FLNB: variants seen among roughly 807,000 people sequenced by gnomAD.
The protein encoded by FLNB is filamin-B.
Under a neutral mutation model 250.6 loss-of-function variants are expected in FLNB, and 111 were observed. The observed-to-expected ratio is 0.44, with a 90% CI of 0.38 to 0.52. The LOEUF (loss-of-function observed/expected upper bound fraction) is 0.52, where lower values mean the gene tolerates loss of function less well. FLNB is among the 20% of genes least tolerant of loss of function. The probability of loss-of-function intolerance (pLI) is 0.00; values close to 1 mark genes in which losing one functional copy is unlikely to be tolerated. For missense variants in FLNB, 2,869 were observed against 3,447.8 expected, an observed-to-expected ratio of 0.83 and a Z score of 4.20; for synonymous variants, 1,302 against 1,372.1, an observed-to-expected ratio of 0.95 and a Z score of 1.13.
At position 58,008,753 on chromosome 3, in the gene FLNB, C is replaced by T; in HGVS notation, c.189C>T (p.Tyr63=). ...AGGTGCTCAGCCAGAAGCGCATGTACCGCAAGTACCATCAGCGGCCCACCT... is the reference window on the plus strand; with the variant it reads ...AGGTGCTCAGCCAGAAGCGCATGTATCGCAAGTACCATCAGCGGCCCACCT... ...LLEVLSQKRM[Y]RKYHQRPTFR... The change falls in exon 1 of 46, where the codon TAC becomes TAT. Residue 63 remains tyrosine (Y), a synonymous_variant. Coordinates refer to ENST00000295956, the MANE Select transcript of FLNB (RefSeq NM_001457.4). 3 of 1,614,066 alleles carry T rather than the reference C, an allele frequency of 1.9e-6. No homozygotes were observed. The highest frequency in any genetic ancestry group is 1.1e-5 in the South Asian group (1 of 91,084).
intron 1 of FLNB, among the ~76,000 whole-genome samples, chr3:58,059,329 T>C (rs2097174761): frequency 6.6e-6 from 1 of 152,078 alleles, no homozygotes; most frequent in African/African-American, 2.4e-5. Flanking sequence ...AAAGAAAACA[T>C]GAGTGAAGGA....
At chr3:58,109,551 A>G in intron 14 of FLNB, 25 bp from the exon 15 acceptor site, 1 of 1,614,182 alleles carries the variant, frequency 6.2e-7, no homozygotes, top group Non-Finnish European at 8.5e-7. Flanking sequence ...GGAGAACTTG[A>G]TGACCTTCTC....
In FLNB at chr3:58,126,597, T is replaced by C. The variant is rs3732632; in HGVS notation, c.4062-5T>C. ...ACATTTCACTTTCTTTTCCACTCTT[T>C]CCAGAGGCGCAGGAATTGGTGGGCT... On this transcript the variant is annotated splice_region_variant and splice_polypyrimidine_tract_variant and intron_variant, in intron 23 of 45. Coordinates refer to ENST00000295956, the MANE Select transcript of FLNB (RefSeq NM_001457.4). 1.6e-5 allele frequency: 26 copies of C among 1,613,862 alleles called. No individual in the cohort carries two copies. The highest frequency in any genetic ancestry group is 2.0e-5 in the Non-Finnish European group (24 of 1,179,852).
At chr3:58,030,805 A>G (rs2097129751) in intron 1 of FLNB, among the ~76,000 whole-genome samples, 1 of 152,078 alleles carries the variant, frequency 6.6e-6, no homozygotes, top group African/African-American at 2.4e-5. Flanking sequence ...GCCTGGGCAC[A>G]GAGGTTGCGG....
intron 18 of FLNB, among the ~76,000 whole-genome samples, chr3:58,114,428 G>A (rs962120878): frequency 6.6e-6 from 1 of 152,196 alleles, no homozygotes; most frequent in Non-Finnish European, 1.5e-5. Flanking sequence ...GAGCCACCGC[G>A]CCCGGCCATC....
intron 1 of FLNB, among the ~76,000 whole-genome samples, chr3:58,034,846 C>CA (rs1211927273): frequency 1.3e-5 from 2 of 152,156 alleles, no homozygotes; most frequent in African/African-American, 4.8e-5. Flanking sequence ...CCCGCAGCCA[C>CA]ACCCCACACC....
intron 43 of FLNB, among the ~76,000 whole-genome samples, chr3:58,166,893 A>G (rs186786711): frequency 6.6e-6 from 1 of 152,200 alleles, no homozygotes; most frequent in East Asian, 1.9e-4. Flanking sequence ...TGGGAGACCA[A>G]GGTGGGCAGA....
chr3:58,034,612 C>T (rs1231829685), intron 1 of FLNB, among the ~76,000 whole-genome samples: 1 of 152,170 alleles, frequency 6.6e-6, no homozygotes, highest in Non-Finnish European at 1.5e-5. Flanking sequence ...TAGAGAAAGA[C>T]TTTGAATATA....
At chr3:58,148,509 C>A in intron 35 of FLNB, 140 bp from the exon 36 acceptor site, 1 of 1,204,804 alleles carries the variant, frequency 8.3e-7, no homozygotes, top group Admixed American at 2.0e-5. Context: ...AATGCCCAAG[C>A]GTATTTGTGC....
chr3:58,124,416 T>C lies in FLNB; in HGVS notation c.3809T>C (p.Ile1270Thr). ...GGGGGTGACCACATCAAGGCCCACA[T>C]TGCCAACCCCTCAGGGGCCTCCACC... ...QVGGDHIKAH[I>T]ANPSGASTEC... Residue 1270 changes from isoleucine (I) to threonine (T), a missense_variant, in exon 22 of 46, where the codon ATT (isoleucine) becomes ACT (threonine). This residue lies in a region of FLNB where 1,348 missense variants were observed against 1,466.7 expected (regional missense o/e 0.92). Coordinates refer to ENST00000295956, the MANE Select transcript of FLNB (RefSeq NM_001457.4). 1 of 1,614,212 alleles carries C rather than the reference T, an allele frequency of 6.2e-7. No individual in the cohort carries two copies.
At position 58,146,868 on chromosome 3, in the gene FLNB, G is replaced by T. The variant is rs2097336573; in HGVS notation, c.5603G>T (p.Cys1868Phe). 6.2e-7 allele frequency: 1 copy of T among 1,614,060 alleles called. No homozygotes were observed. The highest frequency in any genetic ancestry group is 8.5e-7 in the Non-Finnish European group (1 of 1,180,040). The change falls in exon 34 of 46, where the codon TGC becomes TTC. Residue 1868 changes from cysteine (C) to phenylalanine (F), a missense_variant. Cys to Phe is a radical substitution (Grantham distance 205). Transcript: ENST00000295956. ...IEGPSKAEIS[C>F]IDNKDGTCTV... is the part of the protein sequence containing the mutation. ...GGCCCCTCAAAAGCAGAAATCAGCT[G>T]CATTGACAATAAAGATGGGACATGC...
At chr3:58,059,383 G>C (rs907203889) in intron 1 of FLNB, among the ~76,000 whole-genome samples, 1 of 152,210 alleles carries the variant, frequency 6.6e-6, no homozygotes, top group African/African-American at 2.4e-5. Flanking sequence ...AGAGAGCCTT[G>C]TCTGTGAGTG....
Position 58,124,440 on chromosome 3 carries a change from C to T in FLNB, c.3833C>T (p.Thr1278Ile). 2 of 1,614,246 alleles carry T rather than the reference C, an allele frequency of 1.2e-6. No individual in the cohort carries two copies. The highest frequency in any genetic ancestry group is 1.7e-6 in the Non-Finnish European group (2 of 1,180,044). Residue 1278 changes from threonine (T) to isoleucine (I), a missense_variant, in exon 22 of 46, where the codon ACC becomes ATC. By Grantham distance (89) the Thr-to-Ile change is moderately conservative (BLOSUM62 -1). Coordinates refer to ENST00000295956, the MANE Select transcript of FLNB (RefSeq NM_001457.4). Reference sequence around the variant, plus strand: ...ATTGCCAACCCCTCAGGGGCCTCCACCGAGTGCTTTGTCACAGACAATGCG... The same window carrying T: ...ATTGCCAACCCCTCAGGGGCCTCCATCGAGTGCTTTGTCACAGACAATGCG... ...AHIANPSGAS[T>I]ECFVTDNADG...
At chr3:58,106,047 T>G (rs1306668547) in intron 11 of FLNB, among the ~76,000 whole-genome samples, 1 of 152,174 alleles carries the variant, frequency 6.6e-6, no homozygotes, top group Non-Finnish European at 1.5e-5. Context: ...TAGACAAGTC[T>G]TTATATCTTT....
intron 25 of FLNB, 47 bp downstream of exon 25, chr3:58,130,955 A>G (rs766587494): frequency 1.9e-6 from 3 of 1,569,646 alleles, no homozygotes; most frequent in South Asian, 1.1e-5. Flanking sequence ...TGCCCCAGGC[A>G]GGGGCAGCTG....
intron 29 of FLNB, 47 bp downstream of exon 29, chr3:58,138,576 G>T (rs1346125059): frequency 9.9e-6 from 16 of 1,610,434 alleles, no homozygotes; most frequent in Non-Finnish European, 1.3e-5. Context: ...GGTGGAAACT[G>T]TAACAGCTGC....
chr3:58,136,774 T>C (rs1413986417), intron 28 of FLNB, among the ~76,000 whole-genome samples: 6 of 141,918 alleles, frequency 4.2e-5, no homozygotes, highest in Non-Finnish European at 9.2e-5. Flanking sequence ...TTTTTTGAGA[T>C]GGAGTCTTGC....
intron 1 of FLNB, among the ~76,000 whole-genome samples, chr3:58,010,170 G>A (rs2097096448): frequency 6.6e-6 from 1 of 152,134 alleles, no homozygotes; most frequent in Non-Finnish European, 1.5e-5. Flanking sequence ...TCTGGGTCTG[G>A]ATCTCTTCCT....
At chr3:58,047,782 G>A (rs999267426) in intron 1 of FLNB, among the ~76,000 whole-genome samples, 40 of 151,940 alleles carry the variant, frequency 2.6e-4, no homozygotes, top group African/African-American at 8.4e-4. Context: ...CAAGCTGGTC[G>A]TGAACTATTG....
Sources: allele counts gnomAD v4.1 joint callset (sites outside exome capture counted in the v4.1 genomes callset), GRCh38; gene constraint gnomAD v4.1.1; regional missense constraint gnomAD v4.1.1; transcripts MANE v1.5; gene names NCBI Gene and HGNC (gene_info 2026-07-23, HGNC 2026-07-21).